TEK: variants seen among roughly 807,000 people sequenced by gnomAD.
TEK encodes angiopoietin-1 receptor.
A neutral mutation model predicts 131.8 loss-of-function variants in TEK; 43 were observed. That is an observed-to-expected ratio of 0.33 (90% CI 0.26 to 0.42). The LOEUF (loss-of-function observed/expected upper bound fraction) is 0.42, where lower values mean the gene tolerates loss of function less well. TEK is among the 10% of genes least tolerant of loss of function. The pLI, the probability that TEK is intolerant of heterozygous loss-of-function variation, is 1.00. For missense variants in TEK, 1,162 were observed against 1,384.4 expected (o/e 0.84, Z 2.55); for synonymous variants, 580 against 491.6 (o/e 1.18, Z -2.38).
chr9:27,130,626 C>CTT (rs571794271), intron 1 of TEK, among the ~76,000 whole-genome samples: 12,465 of 121,680 alleles, frequency 0.1, 878 homozygotes, highest in Middle Eastern at 0.18. Flanking sequence ...GATTAAAGTA[C>CTT]TTTTTTTTTT....
intron 1 of TEK, among the ~76,000 whole-genome samples, chr9:27,129,418 C>G (rs1292279269): frequency 1.3e-5 from 2 of 152,138 alleles, no homozygotes; most frequent in Non-Finnish European, 2.9e-5. Context: ...TCTTTCTCTT[C>G]TCTTCCACAG....
rs510101 is a variant in TEK, at chr9:27,206,309, A to C, written c.2365-273A>C. On this transcript the variant is annotated intron_variant, in intron 14 of 22. Coordinates refer to ENST00000380036, the MANE Select transcript of TEK (RefSeq NM_000459.5). ...TAACGCAAGGATGGCAAACACATGGAATATGTACTGTTACTCCTTCCTCCG... is the reference window on the plus strand; with the variant it reads ...TAACGCAAGGATGGCAAACACATGGCATATGTACTGTTACTCCTTCCTCCG... Among the ~76,000 whole-genome samples the C allele has an allele frequency of 0.51, 77,576 of 152,002 alleles. 20,387 individuals carry two copies. Among genetic ancestry groups the C allele is most frequent in the Non-Finnish European group, 0.56 (37,863 of 67,976 alleles).
rs774440968 is a variant in TEK at position 27,157,991 on chromosome 9, G to A, written c.213G>A (p.Pro71=). 8.1e-6 allele frequency: 13 copies of A among 1,613,912 alleles called. No individual in the cohort carries two copies. The highest frequency in any genetic ancestry group is 3.3e-4 in the Middle Eastern group (2 of 6,084). Residue 71 remains proline, a synonymous_variant, in exon 2 of 23, where the codon CCG becomes CCA. Coordinates refer to ENST00000380036, the MANE Select transcript of TEK (RefSeq NM_000459.5). Reference sequence around the variant, plus strand: ...CCTTAATGAACCAGCACCAGGATCCGCTGGAAGTTACTCAAGATGTGACCA... The same window carrying A: ...CCTTAATGAACCAGCACCAGGATCCACTGGAAGTTACTCAAGATGTGACCA... ...FEALMNQHQD[P]LEVTQDVTRE...
chr9:27,170,564 G>A (rs988453364), intron 4 of TEK, among the ~76,000 whole-genome samples: 4 of 152,096 alleles, frequency 2.6e-5, no homozygotes, highest in Admixed American at 6.6e-5. Context: ...GGTCGAGGCT[G>A]CAGTGGGCCA....
At chr9:27,213,343 T>C (rs1214912422) in intron 17 of TEK, 141 bp from the exon 18 acceptor site, 1 of 644,372 alleles carries the variant, frequency 1.6e-6, no homozygotes, top group East Asian at 2.9e-5. Context: ...CCAGGGAATT[T>C]TGGAGGGGAA....
intron 1 of TEK, among the ~76,000 whole-genome samples, chr9:27,112,647 G>A (rs570533984): frequency 1.1e-3 from 173 of 152,216 alleles, no homozygotes; most frequent in Non-Finnish European, 2.0e-3. Context: ...TTATCAGTTT[G>A]CCTCCTGAGC....
At chr9:27,138,162 AAGAGTG>A (rs1050960614) in intron 1 of TEK, among the ~76,000 whole-genome samples, 8 of 152,228 alleles carry the variant, frequency 5.3e-5, no homozygotes, top group African/African-American at 1.9e-4. Context: ...TGCAGACCCA[AAGAGTG>A]AGCAGCAGCA....
rs74932983 is a variant in TEK, at chr9:27,112,816, G to T, written c.52+3174G>T. Among the ~76,000 whole-genome samples the T allele has an allele frequency of 7.6e-3, 1,157 of 152,312 alleles. 18 individuals carry two copies. The highest frequency in any genetic ancestry group is 0.027 in the African/African-American group (1,122 of 41,572). ...AGATACCATTTCAAAATAGGTAAAT[G>T]TCTGGTTCTGTGTTTGGGTTCAAGA... On this transcript the variant is annotated intron_variant, in intron 1 of 22. Coordinates refer to ENST00000380036, the MANE Select transcript of TEK (RefSeq NM_000459.5).
chr9:27,186,655 T>A (rs1261349239), intron 9 of TEK, among the ~76,000 whole-genome samples: 1 of 152,208 alleles, frequency 6.6e-6, no homozygotes, highest in Non-Finnish European at 1.5e-5. Flanking sequence ...AACCCAGCAC[T>A]ATCTCTTCTG....
At chr9:27,189,417 G>A (rs930194777) in intron 9 of TEK, among the ~76,000 whole-genome samples, 4 of 151,994 alleles carry the variant, frequency 2.6e-5, no homozygotes, top group African/African-American at 4.8e-5. Flanking sequence ...GCTCTTTGGC[G>A]GGCTGCAACC....
chr9:27,203,430 A>G (rs489451), intron 13 of TEK, among the ~76,000 whole-genome samples: 31,371 of 152,128 alleles, frequency 0.21, 3,735 homozygotes, highest in Non-Finnish European at 0.27. Context: ...ATAGAAGGCA[A>G]GCTATGCAAG....
chr9:27,227,183 T>G (rs1483210731), intron 21 of TEK, among the ~76,000 whole-genome samples: 1 of 152,186 alleles, frequency 6.6e-6, no homozygotes, highest in African/African-American at 2.4e-5. Flanking sequence ...CCAGAGTCAT[T>G]TGTTCAGCAT....
chr9:27,210,010 C>G (rs1165696337), intron 16 of TEK, among the ~76,000 whole-genome samples: 1 of 152,194 alleles, frequency 6.6e-6, no homozygotes, highest in African/African-American at 2.4e-5. Flanking sequence ...TATTTACAAA[C>G]TTGACAGCCT....
At chr9:27,163,289 A>G (rs1041841253) in intron 2 of TEK, among the ~76,000 whole-genome samples, 36 of 152,078 alleles carry the variant, frequency 2.4e-4, no homozygotes, top group Non-Finnish European at 5.1e-4. Context: ...ACCTTTCAAA[A>G]CAGATGTGAT....
intron 1 of TEK, among the ~76,000 whole-genome samples, chr9:27,137,462 A>G (rs964511637): frequency 6.0e-5 from 9 of 150,602 alleles, no homozygotes; most frequent in African/African-American, 2.0e-4. Flanking sequence ...CTAGCTTAAA[A>G]GAATAGATAC....
At chr9:27,140,855 TTC>T (rs1822699072) in intron 1 of TEK, among the ~76,000 whole-genome samples, 1 of 152,162 alleles carries the variant, frequency 6.6e-6, no homozygotes, top group Non-Finnish European at 1.5e-5. Context: ...GGATTTTACT[TTC>T]TAGCAACATA....
intron 2 of TEK, among the ~76,000 whole-genome samples, chr9:27,163,331 G>T (rs1469832157): frequency 6.6e-6 from 1 of 152,086 alleles, no homozygotes; most frequent in East Asian, 1.9e-4. Flanking sequence ...ATCTAGTAGG[G>T]GATATATACC....
rs768209145 is a variant in TEK at position 27,192,623 on chromosome 9, G to A, written c.1624G>A (p.Gly542Arg). The A allele has an allele frequency of 1.1e-5, 17 of 1,612,548 alleles. No homozygotes were observed. Among genetic ancestry groups the A allele is most frequent in the Non-Finnish European group, 1.4e-5 (16 of 1,179,296 alleles). The change falls in exon 11 of 23, where the codon GGA becomes AGA. Residue 542 changes from glycine to arginine, a missense_variant and splice_region_variant. By Grantham distance (125) the Gly-to-Arg change is moderately radical (BLOSUM62 -2). Coordinates refer to ENST00000380036, the MANE Select transcript of TEK (RefSeq NM_000459.5). ...GAGACGCTTCACAACAGCTTCTATCGGTCAGTGGAAGCCAACAGGCATTTA... is the reference window on the plus strand; with the variant it reads ...GAGACGCTTCACAACAGCTTCTATCAGTCAGTGGAAGCCAACAGGCATTTA... The part of the protein sequence containing the change: ...PVRRFTTASI[G>R]LPPPRGLNLL...
chr9:27,143,234 G>T (rs10117152), intron 1 of TEK, among the ~76,000 whole-genome samples: 45 of 152,336 alleles, frequency 3.0e-4, no homozygotes, highest in African/African-American at 1.1e-3. Flanking sequence ...ATTGGCAAGA[G>T]AGGGTTGTCC....
Sources: gnomAD v4.1 joint callset for allele counts (sites outside exome capture counted in the v4.1 genomes callset) on GRCh38, gnomAD v4.1.1 for gene constraint, MANE v1.5 for transcripts, NCBI Gene and HGNC (gene_info 2026-07-23, HGNC 2026-07-21) for gene names.